The following SLC35D4 variants were observed in gnomAD, a reference collection of about 807,000 sequenced individuals.
SLC35D4 encodes the protein solute carrier family 35 member D4, also known as UDP-N-acetylglucosamine transporter SLC35D4.
At chr18:23,402,109 C>T in the SLC35D4 span, among the ~76,000 whole-genome samples, 1 of 152,174 alleles carries the variant, frequency 6.6e-6, no homozygotes, top group Non-Finnish European at 1.5e-5. Context: ...ACAGGAGAGG[C>T]AGTGGACTGC....
At chr18:23,257,364 C>T in the SLC35D4 span, 3 of 1,598,124 alleles carry the variant, frequency 1.9e-6, no homozygotes, top group Admixed American at 5.5e-5. Context: ...TCCAGAGTTC[C>T]TAGCACTGGC....
chr18:23,322,354 A>G, the SLC35D4 span, among the ~76,000 whole-genome samples: 1 of 152,220 alleles, frequency 6.6e-6, no homozygotes, highest in Non-Finnish European at 1.5e-5. Context: ...TTCCTTGTCC[A>G]TATGTTCTCT....
At chr18:23,352,638 A>T in the SLC35D4 span, among the ~76,000 whole-genome samples, 3 of 152,186 alleles carry the variant, frequency 2.0e-5, no homozygotes, top group Non-Finnish European at 2.9e-5. Context: ...CAGAGCTTAA[A>T]TTTTTTTCAA....
At chr18:23,242,324 G>A in the SLC35D4 span, among the ~76,000 whole-genome samples, 1 of 152,148 alleles carries the variant, frequency 6.6e-6, no homozygotes. Context: ...ATTGCAGCTG[G>A]CCCGGTGGTT....
chr18:23,365,934 C>T, the SLC35D4 span, among the ~76,000 whole-genome samples: 1 of 152,184 alleles, frequency 6.6e-6, no homozygotes, highest in Non-Finnish European at 1.5e-5. Context: ...TCTCTTTTCT[C>T]AATCCTGGCT....
chr18:23,275,116 A>G, the SLC35D4 span, among the ~76,000 whole-genome samples: 138 of 145,842 alleles, frequency 9.5e-4, no homozygotes, highest in African/African-American at 3.4e-3. Flanking sequence ...TTGTGTGTGC[A>G]TGTGTGTGTG....
chr18:23,396,513 T>C, the SLC35D4 span, among the ~76,000 whole-genome samples: 1 of 152,234 alleles, frequency 6.6e-6, no homozygotes, highest in Non-Finnish European at 1.5e-5. Context: ...ATAATAAGCA[T>C]CTGCTTTCCG....
chr18:23,413,975 G>A, the SLC35D4 span, among the ~76,000 whole-genome samples: 2 of 150,118 alleles, frequency 1.3e-5, no homozygotes, highest in Admixed American at 1.3e-4. Context: ...AAAAAAAGAG[G>A]GCTGGGCGCG....
the SLC35D4 span, among the ~76,000 whole-genome samples, chr18:23,322,357 T>G: frequency 6.6e-6 from 1 of 152,248 alleles, no homozygotes; most frequent in Non-Finnish European, 1.5e-5. Flanking sequence ...CTTGTCCATA[T>G]GTTCTCTTGG....
the SLC35D4 span, among the ~76,000 whole-genome samples, chr18:23,361,118 A>G: frequency 4.6e-5 from 7 of 151,180 alleles, no homozygotes; most frequent in South Asian, 2.1e-4. Flanking sequence ...AAAAAAAAAA[A>G]AAAAAAAGAA....
chr18:23,319,495 G>A, the SLC35D4 span, among the ~76,000 whole-genome samples: 1 of 152,082 alleles, frequency 6.6e-6, no homozygotes, highest in Non-Finnish European at 1.5e-5. Context: ...CCAGGCTGGA[G>A]TCCAATGGTG....
the SLC35D4 span, chr18:23,259,313 A>G: frequency 6.6e-6 from 1 of 151,262 alleles, no homozygotes; most frequent in African/African-American, 2.4e-5. Context: ...ATTTCCTGCC[A>G]AGCTCTGGGG....
chr18:23,318,135 T>A, the SLC35D4 span, among the ~76,000 whole-genome samples: 18 of 152,190 alleles, frequency 1.2e-4, no homozygotes, highest in Admixed American at 1.2e-3. Context: ...GCCATACTAG[T>A]GGGTGTGAAG....
the SLC35D4 span, among the ~76,000 whole-genome samples, chr18:23,312,833 A>G: frequency 6.6e-6 from 1 of 152,132 alleles, no homozygotes; most frequent in African/African-American, 2.4e-5. Context: ...AAAGGGTGGA[A>G]AGAACCTGAG....
the SLC35D4 span, among the ~76,000 whole-genome samples, chr18:23,360,762 A>G: frequency 1.3e-5 from 2 of 152,262 alleles, no homozygotes; most frequent in East Asian, 3.9e-4. Flanking sequence ...TTACATATCA[A>G]TTTAAAAATG....
At chr18:23,273,658 T>C in the SLC35D4 span, among the ~76,000 whole-genome samples, 2 of 152,196 alleles carry the variant, frequency 1.3e-5, no homozygotes, top group Admixed American at 6.5e-5. Flanking sequence ...TGACTGCATA[T>C]TCCACACTCA....
At chr18:23,315,338 A>G in the SLC35D4 span, among the ~76,000 whole-genome samples, 3 of 152,126 alleles carry the variant, frequency 2.0e-5, no homozygotes, top group Non-Finnish European at 4.4e-5. Flanking sequence ...TCAAAAATCC[A>G]TCTTGAGAAA....
chr18:23,312,211 C>T, the SLC35D4 span, among the ~76,000 whole-genome samples: 1 of 152,174 alleles, frequency 6.6e-6, no homozygotes, highest in African/African-American at 2.4e-5. Context: ...ATACCCACAG[C>T]CTGGGATTTG....
chr18:23,253,042 A>G, the SLC35D4 span: 2 of 1,613,144 alleles, frequency 1.2e-6, no homozygotes, highest in African/African-American at 2.7e-5. Flanking sequence ...CCTCACATTA[A>G]GCTGACACTC....
Sources: gnomAD v4.1 joint callset for allele counts (sites outside exome capture counted in the v4.1 genomes callset) on GRCh38, gnomAD v4.1.1 for gene constraint, MANE v1.5 for transcripts, NCBI Gene and HGNC (gene_info 2026-07-23, HGNC 2026-07-21) for gene names.